PCDH9: variants seen among roughly 807,000 people sequenced by gnomAD.
The protein encoded by PCDH9 is protocadherin-9.
Under a neutral mutation model 70.6 loss-of-function variants are expected in PCDH9, and 24 were observed. The observed-to-expected ratio is 0.34, with a 90% CI of 0.25 to 0.48. PCDH9 has a LOEUF of 0.48. Ranked by LOEUF, PCDH9 falls within the 20% of genes least tolerant of loss-of-function variation. The pLI is 0.99. For synonymous variants in PCDH9, 562 were observed against 558.5 expected (o/e 1.01, Z -0.09); for missense variants, 1,281 against 1,503.6 (o/e 0.85, Z 2.45).
chr13:66,791,477 T>C (rs992698711), intron 3 of PCDH9, among the ~76,000 whole-genome samples: 1 of 152,130 alleles, frequency 6.6e-6, no homozygotes. Flanking sequence ...TACACACATA[T>C]ATTAAGTTGG....
intron 4 of PCDH9, among the ~76,000 whole-genome samples, chr13:66,544,185 C>T (rs1188461502): frequency 1.3e-5 from 2 of 152,262 alleles, no homozygotes; most frequent in Non-Finnish European, 1.5e-5. Flanking sequence ...CTCTATTTTG[C>T]TAATATTTCC....
chr13:66,545,705 TG>T (rs1288172567), intron 4 of PCDH9, among the ~76,000 whole-genome samples: 1 of 152,186 alleles, frequency 6.6e-6, no homozygotes, highest in Non-Finnish European at 1.5e-5. Context: ...ATTAAAAGTA[TG>T]GCACACACAC....
chr13:66,858,514 C>T (rs1421532222), intron 3 of PCDH9, among the ~76,000 whole-genome samples: 1 of 152,140 alleles, frequency 6.6e-6, no homozygotes, highest in African/African-American at 2.4e-5. Flanking sequence ...AAGCCTAACA[C>T]TCATTGGCAC....
chr13:66,779,849 C>CTCTCTATATATATA lies in PCDH9; in HGVS notation c.3138+123654_3138+123655insTATATATATAGAGA, dbSNP rs1395244975. Among the ~76,000 whole-genome samples the CTCTCTATATATATA allele has an allele frequency of 1.0e-3, 82 of 78,894 alleles. 1 individual carries two copies. The highest frequency in any genetic ancestry group is 3.7e-3 in the African/African-American group (72 of 19,404). 51.8% of individuals were successfully genotyped at this position (78,894 alleles called of 152,430 possible). A position where few individuals can be genotyped will look rare whatever the true frequency, so the allele number is the denominator to read the frequency against. On this transcript the variant is annotated intron_variant, in intron 3 of 4. Coordinates refer to ENST00000377865, the MANE Select transcript of PCDH9 (RefSeq NM_203487.3). ...TCTCTCTCTCTCTCTCTCTCTCTCT[C>CTCTCTATATATATA]TATATATATATATATATACATATAT...
At chr13:66,677,713 G>T (rs2078263142) in intron 3 of PCDH9, among the ~76,000 whole-genome samples, 1 of 152,002 alleles carries the variant, frequency 6.6e-6, no homozygotes, top group South Asian at 2.1e-4. Flanking sequence ...ATGATTAAAA[G>T]TTCCCAGAGG....
At chr13:66,591,144 T>C (rs1454302946) in intron 4 of PCDH9, among the ~76,000 whole-genome samples, 4 of 151,734 alleles carry the variant, frequency 2.6e-5, no homozygotes, top group Non-Finnish European at 4.4e-5. Flanking sequence ...TCTATGGGAA[T>C]TTTGTATTTA....
chr13:67,042,864 C>T (rs1689231238), intron 2 of PCDH9, among the ~76,000 whole-genome samples: 1 of 151,892 alleles, frequency 6.6e-6, no homozygotes, highest in African/African-American at 2.4e-5. Flanking sequence ...AGGACCAATG[C>T]TTTCTAAGAA....
At chr13:66,498,150 TA>T (rs200914440) in intron 4 of PCDH9, among the ~76,000 whole-genome samples, 14,055 of 148,232 alleles carry the variant, frequency 0.095, 786 homozygotes, top group Middle Eastern at 0.13. Context: ...TTATTATTAT[TA>T]TTTTTTTTTT....
chr13:67,123,565 G>T (rs929832581), intron 2 of PCDH9, among the ~76,000 whole-genome samples: 1 of 151,962 alleles, frequency 6.6e-6, no homozygotes, highest in African/African-American at 2.4e-5. Context: ...GTAATGTTAC[G>T]ATAATCATCA....
At chr13:67,148,971 T>C (rs995704632) in intron 2 of PCDH9, among the ~76,000 whole-genome samples, 14 of 152,332 alleles carry the variant, frequency 9.2e-5, no homozygotes, top group East Asian at 3.9e-4. Context: ...AAACTTTTAC[T>C]GCAAGGCTGC....
intron 3 of PCDH9, among the ~76,000 whole-genome samples, chr13:66,778,006 A>G (rs1389091378): frequency 6.6e-6 from 1 of 151,840 alleles, no homozygotes; most frequent in Non-Finnish European, 1.5e-5. Context: ...ATTGGAAATC[A>G]TCATTCTCAG....
At chr13:67,084,043 G>A (rs905664769) in intron 2 of PCDH9, among the ~76,000 whole-genome samples, 4 of 152,164 alleles carry the variant, frequency 2.6e-5, no homozygotes, top group African/African-American at 9.7e-5. Flanking sequence ...AAAACCTTGA[G>A]TTTCTTCAAG....
At chr13:66,909,708 G>A (rs2082427268) in intron 2 of PCDH9, among the ~76,000 whole-genome samples, 1 of 152,174 alleles carries the variant, frequency 6.6e-6, no homozygotes, top group African/African-American at 2.4e-5. Flanking sequence ...GGCGGAGCTT[G>A]CAGTGCGCTG....
intron 2 of PCDH9, among the ~76,000 whole-genome samples, chr13:67,024,644 T>C (rs2084744059): frequency 6.6e-6 from 1 of 152,058 alleles, no homozygotes; most frequent in Non-Finnish European, 1.5e-5. Flanking sequence ...TAGCTTGAAA[T>C]TGGCCATGGT....
chr13:67,154,472 G>A (rs927860678), intron 2 of PCDH9, among the ~76,000 whole-genome samples: 2 of 150,816 alleles, frequency 1.3e-5, no homozygotes, highest in Non-Finnish European at 2.9e-5. Flanking sequence ...AGCTATTGGG[G>A]AGGCTGAGGC....
intron 2 of PCDH9, among the ~76,000 whole-genome samples, chr13:67,173,596 C>T (rs1489858052): frequency 2.0e-5 from 3 of 152,108 alleles, no homozygotes; most frequent in Non-Finnish European, 4.4e-5. Context: ...AACTCAAATC[C>T]CAAGAGCCTC....
intron 3 of PCDH9, among the ~76,000 whole-genome samples, chr13:66,714,728 T>C (rs1164442022): frequency 6.6e-6 from 1 of 152,200 alleles, no homozygotes; most frequent in Non-Finnish European, 1.5e-5. Context: ...TTATGTGGGT[T>C]GAGTTAGGTT....
chr13:66,654,644 A>G (rs1593844559), intron 3 of PCDH9, among the ~76,000 whole-genome samples: 1 of 152,160 alleles, frequency 6.6e-6, no homozygotes, highest in Middle Eastern at 3.4e-3. Context: ...AATACTGAAA[A>G]TTCATTTGAG....
chr13:66,602,685 C>T (rs556479531), intron 4 of PCDH9, among the ~76,000 whole-genome samples: 12 of 145,232 alleles, frequency 8.3e-5, no homozygotes, highest in East Asian at 3.9e-4. Context: ...AAGTTCAGTG[C>T]GGCCTAAGTG....
Sources: allele counts gnomAD v4.1 joint callset (sites outside exome capture counted in the v4.1 genomes callset), GRCh38; gene constraint gnomAD v4.1.1; transcripts MANE v1.5; gene names NCBI Gene and HGNC (gene_info 2026-07-23, HGNC 2026-07-21).